Variants in GRIN3A observed in about 807,000 individuals in gnomAD.
The protein encoded by GRIN3A is glutamate receptor ionotropic, NMDA 3A.
A neutral mutation model predicts 92.4 loss-of-function variants in GRIN3A; 47 were observed. That is an observed-to-expected ratio of 0.51 (90% CI 0.40 to 0.65). The LOEUF (loss-of-function observed/expected upper bound fraction) is 0.65, where lower values mean the gene tolerates loss of function less well. GRIN3A is among the 30% of genes least tolerant of loss of function. The pLI is 0.00. For missense variants in GRIN3A, 1,324 were observed against 1,393.1 expected, an observed-to-expected ratio of 0.95 and a Z score of 0.79; for synonymous variants, 527 against 540.6, an observed-to-expected ratio of 0.97 and a Z score of 0.35.
chr9:101,670,231 C>A lies in GRIN3A; in HGVS notation c.2181G>T (p.Leu727Phe), dbSNP rs750954593. The A allele has an allele frequency of 6.2e-6, 10 of 1,613,948 alleles. No homozygotes were observed. Among genetic ancestry groups the A allele is most frequent in the African/African-American group, 1.3e-5 (1 of 74,932 alleles). Residue 727 changes from leucine to phenylalanine, a missense_variant, in exon 3 of 9, where the codon TTG (leucine) becomes TTT (phenylalanine). Physicochemically the swap from Leu to Phe is conservative, Grantham distance 22. Coordinates refer to ENST00000361820, the MANE Select transcript of GRIN3A (RefSeq NM_133445.3). Reference sequence around the variant, plus strand: ...GTTTGATGGCCACTGTTCTGCCAAACAAGAGGGCATAACAGATGTTCAAGG... The same window carrying A: ...GTTTGATGGCCACTGTTCTGCCAAAAAAGAGGGCATAACAGATGTTCAAGG... ...SSALNICYALLFGRTVAIKPP... is the reference protein window; with the variant it reads ...SSALNICYALFFGRTVAIKPP...
rs1360612378 is a variant in GRIN3A at position 101,595,051 on chromosome 9, C to T, written c.2767-15691G>A. ...GTAGAGGGCTCCCGGGGGCCCTGGT[C>T]GAGCAAAAGGGCAGGGGAGCGGAGG... is the stretch of plus-strand genomic sequence containing the variant. On this transcript the variant is annotated intron_variant, in intron 6 of 8. Transcript: ENST00000361820. 3.0e-6 allele frequency: 3 copies of T among 988,070 alleles called. No homozygotes were observed. In the East Asian group the frequency reaches 8.0e-5, roughly 26 times the overall value. The allele number at this position is 988,070 out of a possible 1,614,324, so 61.2% of individuals were successfully genotyped here.
chr9:101,667,528 C>T (rs1464708455), intron 3 of GRIN3A, among the ~76,000 whole-genome samples: 2 of 152,002 alleles, frequency 1.3e-5, no homozygotes, highest in Non-Finnish European at 2.9e-5. Flanking sequence ...TTGTTTATGT[C>T]TTTTCTTCCC....
intron 5 of GRIN3A, among the ~76,000 whole-genome samples, chr9:101,613,840 G>A (rs1474274964): frequency 1.3e-5 from 2 of 152,120 alleles, no homozygotes; most frequent in East Asian, 1.9e-4. Flanking sequence ...CTTTATCAGG[G>A]CTAGGATTTC....
chr9:101,670,766 T>C lies in GRIN3A; in HGVS notation c.1646A>G (p.Asn549Ser), dbSNP rs75981117. 6,901 of 1,614,092 alleles carry C rather than the reference T, an allele frequency of 4.3e-3. 15 individuals carry two copies. The highest frequency in any genetic ancestry group is 5.3e-3 in the Non-Finnish European group (6,264 of 1,179,954). The change falls in exon 3 of 9, where the codon AAT becomes AGT. Residue 549 changes from asparagine (N) to serine (S), a missense_variant. Asn to Ser is a conservative substitution (Grantham distance 46). Transcript: ENST00000361820. ...AAGGCTGTCCAATGTGGAAGAGTCA[T>C]TAGTCATGGGGTCTAGACAGAGTTG... ...AGQLCLDPMT[N>S]DSSTLDSLFS... is the part of the protein sequence containing the mutation.
intron 1 of GRIN3A, among the ~76,000 whole-genome samples, chr9:101,731,887 T>C (rs1448038539): frequency 6.6e-6 from 1 of 152,192 alleles, no homozygotes; most frequent in African/African-American, 2.4e-5. Flanking sequence ...AGGTTAAAAA[T>C]TTCTATGAGT....
rs760999947 is a variant in GRIN3A at position 101,573,315 on chromosome 9, A to G, written c.3207T>C (p.Asn1069=). ...CCTGCATCACTGAGTTCCGAGATAC[A>G]TTTAGGGAGTCTGCTTTCCCATTGG... The part of the protein sequence containing the change: ...RTTNGKADSL[N]VSRNSVMQEL... The change falls in exon 9 of 9, where the codon AAT becomes AAC. Residue 1069 remains asparagine, a synonymous_variant. Transcript: ENST00000361820. 1.2e-6 allele frequency: 2 copies of G among 1,613,902 alleles called. No individual in the cohort carries two copies. Among genetic ancestry groups the G allele is most frequent in the East Asian group, 2.2e-5 (1 of 44,876 alleles).
intron 2 of GRIN3A, among the ~76,000 whole-genome samples, chr9:101,683,847 TGAGAGA>T (rs55960998): frequency 0.57 from 77,683 of 135,954 alleles, 20,708 homozygotes; most frequent in Middle Eastern, 0.61. Flanking sequence ...AGAGAGACAG[TGAGAGA>T]GAGAGAGAGA....
intron 3 of GRIN3A, among the ~76,000 whole-genome samples, chr9:101,659,449 T>C (rs1480530888): frequency 1.1e-5 from 1 of 89,148 alleles, no homozygotes; most frequent in African/African-American, 4.2e-5. Context: ...ATAGAAAGTA[T>C]CTATGTATTT....
At chr9:101,694,625 TG>T (rs1248025258) in intron 1 of GRIN3A, among the ~76,000 whole-genome samples, 3 of 152,198 alleles carry the variant, frequency 2.0e-5, no homozygotes, top group African/African-American at 7.2e-5. Flanking sequence ...ACTCATTCTC[TG>T]GGTCCTATTC....
intron 4 of GRIN3A, 96 bp from the exon 5 acceptor site, chr9:101,623,529 C>T (rs954931188): frequency 1.8e-5 from 16 of 874,286 alleles, no homozygotes; most frequent in African/African-American, 3.3e-5. Flanking sequence ...GGACAGAACC[C>T]GAACACTAAG....
chr9:101,656,787 G>A (rs1829094245), intron 3 of GRIN3A, among the ~76,000 whole-genome samples: 1 of 151,784 alleles, frequency 6.6e-6, no homozygotes, highest in Non-Finnish European at 1.5e-5. Context: ...GCCTTGTTGG[G>A]GAAAGACAAG....
At chr9:101,705,426 C>T (rs1305238047) in intron 1 of GRIN3A, among the ~76,000 whole-genome samples, 1 of 152,140 alleles carries the variant, frequency 6.6e-6, no homozygotes, top group African/African-American at 2.4e-5. Flanking sequence ...CTCCCCATCC[C>T]GCTGAAAGCC....
Position 101,678,443 on chromosome 9 carries a change from C to T in GRIN3A, c.1305-7336G>A, listed in dbSNP as rs116682963. Among the ~76,000 whole-genome samples the T allele has an allele frequency of 1.2e-3, 179 of 152,206 alleles. 1 individual carries two copies. Among genetic ancestry groups the T allele is most frequent in the Middle Eastern group, 3.4e-3 (1 of 294 alleles). ...CATCCTCAGAACAGAAGGCCCTGCA[C>T]GCTATAATCCCTGATTATGTCATCT... On this transcript the variant is annotated intron_variant, in intron 2 of 8. Transcript: ENST00000361820.
chr9:101,653,432 C>T (rs1332238880), intron 3 of GRIN3A, among the ~76,000 whole-genome samples: 1 of 151,822 alleles, frequency 6.6e-6, no homozygotes, highest in Non-Finnish European at 1.5e-5. Context: ...GTTAATTAAG[C>T]TTTTAATTTT....
chr9:101,602,445 G>A (rs1828223278), intron 6 of GRIN3A, among the ~76,000 whole-genome samples: 1 of 152,182 alleles, frequency 6.6e-6, no homozygotes, highest in Non-Finnish European at 1.5e-5. Context: ...AGAGGTGAGT[G>A]AGGAGTCCCA....
intron 1 of GRIN3A, among the ~76,000 whole-genome samples, chr9:101,723,553 G>T (rs565290083): frequency 1.6e-4 from 25 of 152,248 alleles, no homozygotes; most frequent in Admixed American, 5.2e-4. Context: ...CTGCTGGCTC[G>T]GGCAGCCTGC....
intron 3 of GRIN3A, among the ~76,000 whole-genome samples, chr9:101,645,234 G>A (rs1828921886): frequency 6.6e-6 from 1 of 151,626 alleles, no homozygotes; most frequent in South Asian, 2.1e-4. Context: ...CTCCCATGTT[G>A]GAGTGAGAAC....
chr9:101,698,922 T>C (rs1420173587), intron 1 of GRIN3A, among the ~76,000 whole-genome samples: 2 of 152,044 alleles, frequency 1.3e-5, no homozygotes, highest in African/African-American at 2.4e-5. Flanking sequence ...CCCACGTTGG[T>C]CTCCCAAAGT....
intron 3 of GRIN3A, among the ~76,000 whole-genome samples, chr9:101,631,744 G>A (rs1194477157): frequency 6.6e-6 from 1 of 152,154 alleles, no homozygotes; most frequent in Non-Finnish European, 1.5e-5. Flanking sequence ...GTTCCTTCAA[G>A]GATTAGCAAA....
Sources: allele counts gnomAD v4.1 joint callset (sites outside exome capture counted in the v4.1 genomes callset), GRCh38; gene constraint gnomAD v4.1.1; transcripts MANE v1.5; gene names NCBI Gene and HGNC (gene_info 2026-07-23, HGNC 2026-07-21).